The following VKORC1L1 variants were observed in gnomAD, a reference collection of about 807,000 sequenced individuals.
The protein encoded by VKORC1L1 is vitamin K epoxide reductase complex subunit 1-like protein 1.
Under a neutral mutation model 18.9 loss-of-function variants are expected in VKORC1L1, and 2 were observed. The ratio of observed to expected loss-of-function variants is 0.11; its 90% CI spans 0.04 to 0.33. VKORC1L1 has a LOEUF of 0.33. VKORC1L1 is among the 10% of genes least tolerant of loss of function. VKORC1L1 has a pLI of 1.00. For missense variants in VKORC1L1, 123 were observed against 224.1 expected (o/e 0.55, Z 2.88); for synonymous variants, 96 against 100.0 (o/e 0.96, Z 0.24).
intron 1 of VKORC1L1, among the ~76,000 whole-genome samples, chr7:65,903,158 G>A (rs369612339): frequency 1.3e-5 from 2 of 149,818 alleles, no homozygotes; most frequent in Admixed American, 6.7e-5. Flanking sequence ...AAGCCACCAC[G>A]CTTGGCCTTC....
intron 1 of VKORC1L1, among the ~76,000 whole-genome samples, chr7:65,891,143 A>G (rs1157316641): frequency 7.2e-6 from 1 of 138,328 alleles, no homozygotes; most frequent in Non-Finnish European, 1.6e-5. Context: ...TGGTGGTGGT[A>G]TGAGTTACTC....
Position 65,873,104 on chromosome 7 carries a change from C to G in VKORC1L1, c.-268C>G, listed in dbSNP as rs1368245170. ...CCGCCCGCCGATCCGGCCTCTTCGGCCGTTGCGCACTCCACCCCCTCCCTC... is the reference window on the plus strand; with the variant it reads ...CCGCCCGCCGATCCGGCCTCTTCGGGCGTTGCGCACTCCACCCCCTCCCTC... On this transcript the variant is annotated 5_prime_UTR_variant, in exon 1 of 3. Transcript: ENST00000360768. 6.7e-6 allele frequency among the ~76,000 whole-genome samples: 1 copy of G among 149,628 alleles called. No individual in the cohort carries two copies. The highest frequency in any genetic ancestry group is 1.5e-5 in the Non-Finnish European group (1 of 66,882).
At chr7:65,933,734 G>A (rs1319499899) in intron 1 of VKORC1L1, among the ~76,000 whole-genome samples, 1 of 151,918 alleles carries the variant, frequency 6.6e-6, no homozygotes, top group Non-Finnish European at 1.5e-5. Flanking sequence ...CTCTGTTTTG[G>A]TTTGTCCTTT....
At chr7:65,869,349 A>C (rs1185108274), upstream of VKORC1L1, among the ~76,000 whole-genome samples, 2 of 152,154 alleles carry the variant, frequency 1.3e-5, no homozygotes, top group East Asian at 3.8e-4. Context: ...AAATTGTAAA[A>C]AAAGCACACG....
intron 1 of VKORC1L1, among the ~76,000 whole-genome samples, chr7:65,884,217 T>C: frequency 6.6e-6 from 1 of 152,228 alleles, no homozygotes; most frequent in East Asian, 1.9e-4. Flanking sequence ...CATAGGATTA[T>C]TGTGACTATG....
intron 1 of VKORC1L1, among the ~76,000 whole-genome samples, chr7:65,894,312 A>G (rs970706504): frequency 2.0e-5 from 3 of 151,982 alleles, no homozygotes; most frequent in African/African-American, 2.4e-5. Flanking sequence ...TCTTTATACT[A>G]TTGAATCCTC....
chr7:65,886,117 A>T (rs946074683), intron 1 of VKORC1L1, among the ~76,000 whole-genome samples: 1 of 152,240 alleles, frequency 6.6e-6, no homozygotes, highest in Non-Finnish European at 1.5e-5. Context: ...AAATTAGTTG[A>T]GGGAAAAGCC....
At chr7:65,908,418 A>T (rs1284914088) in intron 1 of VKORC1L1, among the ~76,000 whole-genome samples, 5 of 151,952 alleles carry the variant, frequency 3.3e-5, no homozygotes, top group Non-Finnish European at 7.4e-5. Flanking sequence ...ATCTCAAAAG[A>T]AGAAGAACAG....
At chr7:65,883,659 C>G (rs188005563) in intron 1 of VKORC1L1, among the ~76,000 whole-genome samples, 24 of 151,456 alleles carry the variant, frequency 1.6e-4, no homozygotes, top group African/African-American at 5.8e-4. Flanking sequence ...GCCACCAAAC[C>G]CGGCTAATTT....
intron 1 of VKORC1L1, among the ~76,000 whole-genome samples, chr7:65,902,530 CAT>C (rs1156231426): frequency 1.2e-4 from 18 of 151,946 alleles, no homozygotes; most frequent in African/African-American, 2.2e-4. Context: ...AATAGTCTAA[CAT>C]ATGTGTAATT....
At chr7:65,940,312 C>T (rs1790013880) in intron 1 of VKORC1L1, among the ~76,000 whole-genome samples, 1 of 152,162 alleles carries the variant, frequency 6.6e-6, no homozygotes, top group Admixed American at 6.5e-5. Flanking sequence ...GCCATCACAC[C>T]TAGCCAGAAA....
chr7:65,911,335 G>C (rs1268517619), intron 1 of VKORC1L1, among the ~76,000 whole-genome samples: 1 of 152,114 alleles, frequency 6.6e-6, no homozygotes, highest in African/African-American at 2.4e-5. Context: ...GCAAAATTAA[G>C]TAGTTATAAA....
intron 1 of VKORC1L1, among the ~76,000 whole-genome samples, chr7:65,901,668 G>T (rs1230967883): frequency 2.6e-5 from 4 of 152,128 alleles, no homozygotes; most frequent in Non-Finnish European, 4.4e-5. Flanking sequence ...CAAGATGGGG[G>T]TTGGCGGGGA....
At chr7:65,939,053 G>A (rs753693900) in intron 1 of VKORC1L1, among the ~76,000 whole-genome samples, 2 of 152,196 alleles carry the variant, frequency 1.3e-5, no homozygotes, top group African/African-American at 2.4e-5. Flanking sequence ...AAAGATATTT[G>A]TTGGTGGCAT....
At chr7:65,887,083 T>C (rs952754383) in intron 1 of VKORC1L1, among the ~76,000 whole-genome samples, 1 of 151,604 alleles carries the variant, frequency 6.6e-6, no homozygotes, top group Admixed American at 6.6e-5. Flanking sequence ...TCTCCTGACC[T>C]CATGATCTGC....
chr7:65,917,824 A>G (rs1464287839), intron 1 of VKORC1L1, among the ~76,000 whole-genome samples: 2 of 152,218 alleles, frequency 1.3e-5, no homozygotes, highest in Admixed American at 6.5e-5. Context: ...CAGATTTGAA[A>G]TGTATATTCT....
chr7:65,893,761 G>A lies in VKORC1L1; in HGVS notation c.194+20196G>A, dbSNP rs558292135. ...ATTTTAGAGTCTCAGTAGTTTGCAGGAATGTCAAACCAAAAAGTTTGAGAA... is the reference window on the plus strand; with the variant it reads ...ATTTTAGAGTCTCAGTAGTTTGCAGAAATGTCAAACCAAAAAGTTTGAGAA... On this transcript the variant is annotated intron_variant, in intron 1 of 2. Transcript: ENST00000360768. Among the ~76,000 whole-genome samples, 5 of 152,264 alleles carry A rather than the reference G, an allele frequency of 3.3e-5. No homozygotes were observed. The East Asian group carries it at 9.6e-4, about 29-fold the overall frequency.
intron 1 of VKORC1L1, among the ~76,000 whole-genome samples, chr7:65,938,611 G>C (rs1789985376): frequency 6.6e-6 from 1 of 152,208 alleles, no homozygotes; most frequent in African/African-American, 2.4e-5. Context: ...TCGAAGCTCA[G>C]AATAGCATCA....
chr7:65,930,556 G>T (rs987657245), intron 1 of VKORC1L1, among the ~76,000 whole-genome samples: 7 of 152,202 alleles, frequency 4.6e-5, no homozygotes, highest in African/African-American at 1.7e-4. Flanking sequence ...GGCTTCCTTG[G>T]TTGGTGGCTG....
Sources: allele counts gnomAD v4.1 joint callset (sites outside exome capture counted in the v4.1 genomes callset), GRCh38; gene constraint gnomAD v4.1.1; transcripts MANE v1.5; gene names NCBI Gene and HGNC (gene_info 2026-07-23, HGNC 2026-07-21).